Variants in CCDC57 observed in about 807,000 individuals in gnomAD.
CCDC57 encodes coiled-coil domain containing 57, also known as coiled-coil domain-containing protein 57.
CCDC57 carries 118 observed loss-of-function variants against 118.9 expected under a neutral mutation model. The ratio of observed to expected loss-of-function variants is 0.99; its 90% CI spans 0.86 to 1.16. The LOEUF (loss-of-function observed/expected upper bound fraction) is 1.16. CCDC57 is among the 50% of genes most tolerant of loss of function. The pLI is 0.00. For synonymous variants in CCDC57, 527 were observed against 532.9 expected, an observed-to-expected ratio of 0.99 and a Z score of 0.15; for missense variants, 1,300 against 1,320.7, an observed-to-expected ratio of 0.98 and a Z score of 0.24.
At chr17:82,126,350 G>T in intron 19 of CCDC57, 3 of 891,954 alleles carry the variant, frequency 3.4e-6, no homozygotes, top group Non-Finnish European at 4.0e-6. Flanking sequence ...TAAAAAATAT[G>T]AACATAAAAA....
chr17:82,127,999 G>T (rs2037723070), intron 18 of CCDC57, 91 bp from the exon 18 acceptor site: 1 of 1,514,274 alleles, frequency 6.6e-7, no homozygotes, highest in Admixed American at 2.5e-5. Flanking sequence ...GGAGCAGTAA[G>T]GCGACAGTGG....
At chr17:82,183,923 T>C (rs2046518514) in exon 9 of CCDC57, 1 of 1,613,186 alleles carries the variant, frequency 6.2e-7, no homozygotes, top group Admixed American at 1.7e-5. Context: ...TTGATGCATC[T>C]TCACGAAGTC....
At chr17:82,134,585 G>T (rs921538132) in intron 16 of CCDC57, among the ~76,000 whole-genome samples, 1 of 152,200 alleles carries the variant, frequency 6.6e-6, no homozygotes, top group South Asian at 2.1e-4. Context: ...CTTGAGGCCA[G>T]GAGTTCGAGA....
exon 17 of CCDC57, chr17:82,134,169 A>G: frequency 7.4e-7 from 1 of 1,345,190 alleles, no homozygotes; most frequent in Non-Finnish European, 9.6e-7. Context: ...CAGGGGCAGG[A>G]GGGAGGGCGT....
intron 19 of CCDC57, 42 bp from the exon 19 acceptor site, chr17:82,101,908 A>AG: frequency 6.6e-7 from 1 of 1,507,582 alleles, no homozygotes. Context: ...TCAGGATGGC[A>AG]GGGGGAGCAG....
intron 19 of CCDC57, chr17:82,107,484 C>A (rs1481499025): frequency 4.3e-6 from 2 of 470,502 alleles, no homozygotes; most frequent in African/African-American, 4.0e-5. Context: ...GCGAGGTTAG[C>A]ATCAGGGGCC....
intron 14 of CCDC57, 102 bp downstream of exon 13, chr17:82,163,098 C>T (rs937740848): frequency 4.0e-5 from 58 of 1,440,674 alleles, no homozygotes; most frequent in Non-Finnish European, 4.7e-5. Flanking sequence ...AGTGGATGCC[C>T]GAGGTCACCT....
At chr17:82,208,509 C>A (rs772576064) in intron 1 of CCDC57, among the ~76,000 whole-genome samples, 1 of 152,068 alleles carries the variant, frequency 6.6e-6, no homozygotes, top group Admixed American at 6.5e-5. Flanking sequence ...CCCGCCTCGG[C>A]CTCCCGAAGT....
chr17:82,147,482 T>C (rs1390817457), intron 16 of CCDC57, among the ~76,000 whole-genome samples: 1 of 148,726 alleles, frequency 6.7e-6, no homozygotes, highest in Non-Finnish European at 1.5e-5. Context: ...TATGGACGGA[T>C]GGACAGGTGA....
chr17:82,157,528 G>T, intron 15 of CCDC57: 1 of 1,424,178 alleles, frequency 7.0e-7, no homozygotes, highest in East Asian at 2.6e-5. Context: ...GGGGCATCAA[G>T]GTGAAGGACC....
chr17:82,120,585 T>C (rs1960213033), intron 19 of CCDC57, among the ~76,000 whole-genome samples: 1 of 152,160 alleles, frequency 6.6e-6, no homozygotes, highest in African/African-American at 2.4e-5. Flanking sequence ...AGTAAAAATA[T>C]CACACAGATA....
intron 7 of CCDC57, among the ~76,000 whole-genome samples, chr17:82,189,033 G>A (rs765833967): frequency 2.6e-5 from 4 of 152,048 alleles, no homozygotes; most frequent in East Asian, 3.9e-4. Flanking sequence ...TTAGGAGGCC[G>A]AGGCAGGTGG....
chr17:82,179,279 C>G (rs955922611), intron 9 of CCDC57, 90 bp from the exon 9 acceptor site: 2 of 1,434,544 alleles, frequency 1.4e-6, no homozygotes, highest in Admixed American at 2.1e-5. Flanking sequence ...GCAGGGCTGC[C>G]GCTGTCCCTC....
At chr17:82,142,984 G>A (rs1257318430) in intron 16 of CCDC57, among the ~76,000 whole-genome samples, 2 of 152,104 alleles carry the variant, frequency 1.3e-5, no homozygotes, top group African/African-American at 4.8e-5. Context: ...GACCAACATG[G>A]AGAAACCCCG....
intron 16 of CCDC57, among the ~76,000 whole-genome samples, chr17:82,138,997 T>A (rs1226800746): frequency 1.3e-5 from 2 of 152,216 alleles, no homozygotes; most frequent in Admixed American, 1.3e-4. Flanking sequence ...GCTGTGTTAC[T>A]AGGCAGACGG....
At chr17:82,128,223 AT>A (rs1792642786) in intron 18 of CCDC57, among the ~76,000 whole-genome samples, 1 of 152,180 alleles carries the variant, frequency 6.6e-6, no homozygotes, top group South Asian at 2.1e-4. Context: ...TGCAGGGCAG[AT>A]ACCCTGAGGG....
chr17:82,123,123 T>G (rs1452984205), intron 19 of CCDC57, among the ~76,000 whole-genome samples: 1 of 31,688 alleles, frequency 3.2e-5, no homozygotes, highest in African/African-American at 1.5e-4. Context: ...TCCTAATAAC[T>G]TTTTTTTTTT....
intron 2 of CCDC57, among the ~76,000 whole-genome samples, chr17:82,205,117 T>C (rs1048482668): frequency 2.4e-5 from 3 of 126,074 alleles, no homozygotes; most frequent in Non-Finnish European, 4.9e-5. Context: ...CACACACCTG[T>C]GCACACACAG....
At chr17:82,162,877 C>T (rs1239583666) in intron 14 of CCDC57, among the ~76,000 whole-genome samples, 4 of 148,748 alleles carry the variant, frequency 2.7e-5, no homozygotes, top group Non-Finnish European at 6.0e-5. Context: ...CAGGTGGCAT[C>T]GGGCAGCCCG....
Sources: gnomAD v4.1 joint callset for allele counts (sites outside exome capture counted in the v4.1 genomes callset) on GRCh38, gnomAD v4.1.1 for gene constraint, MANE v1.5 for transcripts, NCBI Gene and HGNC (gene_info 2026-07-23, HGNC 2026-07-21) for gene names.